CELF2: variants seen among roughly 807,000 people sequenced by gnomAD.
CELF2 encodes CUG triplet repeat RNA-binding protein 2.
CELF2 carries 8 observed loss-of-function variants against 62.6 expected under a neutral mutation model. The ratio of observed to expected loss-of-function variants is 0.13; its 90% CI spans 0.07 to 0.23. The LOEUF is 0.23. CELF2 is among the 10% of genes least tolerant of loss of function. The pLI is 1.00. For missense variants in CELF2, 333 were observed against 671.0 expected (o/e 0.50, Z 5.56); for synonymous variants, 258 against 250.0 (o/e 1.03, Z -0.30).
At chr10:10,613,987 G>A in the CELF2 span, among the ~76,000 whole-genome samples, 1 of 152,082 alleles carries the variant, frequency 6.6e-6, no homozygotes, top group Admixed American at 6.5e-5. Context: ...TTTTTAAATG[G>A]CATTATTTGG....
At chr10:10,573,809 A>G in the CELF2 span, among the ~76,000 whole-genome samples, 45 of 145,268 alleles carry the variant, frequency 3.1e-4, no homozygotes, top group Non-Finnish European at 4.7e-4. Context: ...ATTCATTGAG[A>G]TCCTCACACA....
chr10:10,732,141 C>T, the CELF2 span, among the ~76,000 whole-genome samples: 1 of 152,184 alleles, frequency 6.6e-6, no homozygotes, highest in African/African-American at 2.4e-5. Flanking sequence ...TAGCTACAAA[C>T]TCTTGCCTTG....
chr10:10,469,428 A>C, the CELF2 span, among the ~76,000 whole-genome samples: 2 of 151,908 alleles, frequency 1.3e-5, no homozygotes, highest in South Asian at 2.1e-4. Context: ...GTAGAGAATG[A>C]GGTATTTTTA....
the CELF2 span, among the ~76,000 whole-genome samples, chr10:10,536,047 G>A: frequency 6.9e-6 from 1 of 144,896 alleles, no homozygotes; most frequent in African/African-American, 2.6e-5. Context: ...TTGAGACAGA[G>A]TCTTGCTCTG....
the CELF2 span, among the ~76,000 whole-genome samples, chr10:10,626,946 G>A: frequency 1.7e-4 from 26 of 152,322 alleles, no homozygotes; most frequent in African/African-American, 5.5e-4. Flanking sequence ...GGCGGGCCAT[G>A]AGGCTTTGTG....
At chr10:10,890,154 A>G (rs1303498087) in intron 1 of CELF2, among the ~76,000 whole-genome samples, 6 of 152,190 alleles carry the variant, frequency 3.9e-5, no homozygotes, top group Non-Finnish European at 7.4e-5. Flanking sequence ...AATAACAGTA[A>G]AATGAACAGC....
At chr10:10,684,300 T>C in the CELF2 span, among the ~76,000 whole-genome samples, 2 of 152,182 alleles carry the variant, frequency 1.3e-5, no homozygotes, top group Non-Finnish European at 2.9e-5. Context: ...CTAATTGTAG[T>C]CAGAGCCCAA....
the CELF2 span, among the ~76,000 whole-genome samples, chr10:10,697,118 C>CA: frequency 3.3e-3 from 473 of 142,508 alleles, 1 homozygote; most frequent in African/African-American, 9.4e-3. Flanking sequence ...TAGAAGGAGA[C>CA]AAAAAAAAAA....
rs1485057105 is a variant in CELF2, at chr10:11,258,874, T to C, written c.538+1002T>C. ...GCCAACTTTTGTATTTTAGTAGACA[T>C]GGGGTTTCACCACGTTGGCCACGAT... On this transcript the variant is annotated intron_variant, in intron 5 of 12. Transcript: ENST00000633077. Among the ~76,000 whole-genome samples the C allele has an allele frequency of 2.6e-5, 4 of 152,210 alleles. No individual in the cohort carries two copies. In the South Asian group the frequency reaches 8.3e-4, roughly 32 times the overall value.
chr10:10,764,968 C>T, the CELF2 span, among the ~76,000 whole-genome samples: 1 of 152,090 alleles, frequency 6.6e-6, no homozygotes, highest in African/African-American at 2.4e-5. Context: ...TATTAGGGAG[C>T]GCACTCCCAG....
At chr10:10,486,989 A>G in the CELF2 span, among the ~76,000 whole-genome samples, 15 of 152,144 alleles carry the variant, frequency 9.9e-5, no homozygotes, top group African/African-American at 3.6e-4. Flanking sequence ...TATAAAATTA[A>G]ATTTCCCTGT....
chr10:10,792,141 T>A, the CELF2 span, among the ~76,000 whole-genome samples: 1 of 151,410 alleles, frequency 6.6e-6, no homozygotes, highest in East Asian at 1.9e-4. Context: ...AGTAGCCAAA[T>A]CGGAAAATGT....
the CELF2 span, among the ~76,000 whole-genome samples, chr10:10,770,366 C>G: frequency 6.6e-6 from 1 of 151,810 alleles, no homozygotes; most frequent in Non-Finnish European, 1.5e-5. Flanking sequence ...AGCCAGCAAG[C>G]AGGAGGGGAG....
chr10:11,299,415 G>T (rs2093498743), intron 9 of CELF2, among the ~76,000 whole-genome samples: 1 of 152,112 alleles, frequency 6.6e-6, no homozygotes, highest in South Asian at 2.1e-4. Context: ...AGGAAAATCT[G>T]CCTCCCAGAA....
At chr10:10,912,580 G>A (rs543305519) in intron 1 of CELF2, among the ~76,000 whole-genome samples, 3 of 152,310 alleles carry the variant, frequency 2.0e-5, no homozygotes, top group African/African-American at 7.2e-5. Context: ...ATATTGGCCA[G>A]GGTGGTCTTG....
rs538377651 is a variant in CELF2 at position 11,025,462 on chromosome 10, C to T, written c.74+7299C>T. Among the ~76,000 whole-genome samples the T allele has an allele frequency of 4.6e-5, 7 of 152,198 alleles. No homozygotes were observed. The South Asian group carries it at 1.5e-3, about 32-fold the overall frequency. ...GATGGTTTTATAAGGGGCCCTTCCC[C>T]CTTCGTTCAACGCTTTCCCTTCTTG... is the stretch of plus-strand genomic sequence containing the variant. On this transcript the variant is annotated intron_variant, in intron 1 of 12. Coordinates refer to ENST00000633077, the MANE Select transcript of CELF2 (RefSeq NM_001326342.2).
chr10:10,971,403 C>T (rs1200459008), intron 2 of CELF2, among the ~76,000 whole-genome samples: 1 of 152,176 alleles, frequency 6.6e-6, no homozygotes, highest in South Asian at 2.1e-4. Flanking sequence ...TTCTCTCGCT[C>T]GCTCACTTGC....
rs73579423 is a variant in CELF2, at chr10:10,973,371, A to C, written c.89+53372A>C. On this transcript the variant is annotated intron_variant, in intron 2 of 13. Coordinates refer to the CELF2 transcript ENST00000636488. ...CCTGGGTCCCAGCACCCCACGCCTG[A>C]CATCCCACCTCAGCAGAGGCAAGAT... Among the ~76,000 whole-genome samples, 885 of 152,244 alleles carry C rather than the reference A, an allele frequency of 5.8e-3. 11 individuals carry two copies. The highest frequency in any genetic ancestry group is 0.02 in the African/African-American group (831 of 41,530).
chr10:10,967,931 C>T (rs2050315074), intron 2 of CELF2, among the ~76,000 whole-genome samples: 1 of 152,026 alleles, frequency 6.6e-6, no homozygotes, highest in African/African-American at 2.4e-5. Context: ...CACACACACA[C>T]ACACACACCC....
Sources: allele counts gnomAD v4.1 joint callset (sites outside exome capture counted in the v4.1 genomes callset), GRCh38; gene constraint gnomAD v4.1.1; transcripts MANE v1.5; gene names NCBI Gene and HGNC (gene_info 2026-07-23, HGNC 2026-07-21).